The following DACH2 variants were observed in gnomAD, a reference collection of about 807,000 sequenced individuals.
DACH2 encodes the protein dachshund homolog 2.
DACH2 carries 17 observed loss-of-function variants against 35.8 expected under a neutral mutation model. The ratio of observed to expected loss-of-function variants is 0.48; its 90% CI spans 0.33 to 0.71. DACH2 has a LOEUF of 0.71. Among genes scored for constraint, DACH2 ranks in the 30% least tolerant of loss-of-function variants. The pLI, the probability that DACH2 is intolerant of heterozygous loss-of-function variation, is 0.02. For synonymous variants in DACH2, 195 were observed against 177.3 expected (o/e 1.10, Z -0.79); for missense variants, 469 against 472.7 (o/e 0.99, Z 0.07).
At chrX:86,727,186 T>A (rs2041479586) in intron 6 of DACH2, among the ~76,000 whole-genome samples, 1 of 111,913 alleles carries the variant, frequency 8.9e-6, no homozygotes, top group Non-Finnish European at 1.9e-5. Context: ...TTATGAAATT[T>A]GATTTCCATC....
At chrX:86,723,269 G>T (rs1350018647) in intron 6 of DACH2, among the ~76,000 whole-genome samples, 1 of 107,054 alleles carries the variant, frequency 9.3e-6, no homozygotes, top group African/African-American at 3.4e-5. Context: ...TTCTCATGTT[G>T]GTTTTTCATA....
intron 3 of DACH2, among the ~76,000 whole-genome samples, chrX:86,554,300 C>T: frequency 9.0e-6 from 1 of 110,845 alleles, no homozygotes; most frequent in Non-Finnish European, 1.9e-5. Flanking sequence ...AAAACAACGA[C>T]AACATATATG....
At chrX:86,402,561 T>G (rs1026599883) in intron 2 of DACH2, among the ~76,000 whole-genome samples, 6 of 111,645 alleles carry the variant, frequency 5.4e-5, no homozygotes, top group Non-Finnish European at 1.1e-4. Flanking sequence ...TATTCCATAC[T>G]CATGGAATGG....
At chrX:86,571,283 G>T (rs2039363686) in intron 3 of DACH2, among the ~76,000 whole-genome samples, 1 of 110,558 alleles carries the variant, frequency 9.0e-6, no homozygotes, top group African/African-American at 3.3e-5. Context: ...TAGGTCCCAT[G>T]GGTTTTTATT....
chrX:86,313,474 C>T lies in DACH2; in HGVS notation c.489-63350C>T, dbSNP rs557918314. ...CATTTCTCAATTTAAAACAACTGAG[C>T]GGCCATAGGTAAGAGCTCTGAAGAA... On this transcript the variant is annotated intron_variant, in intron 1 of 11. Coordinates refer to ENST00000373125, the MANE Select transcript of DACH2 (RefSeq NM_053281.3). Among the ~76,000 whole-genome samples the T allele has an allele frequency of 2.8e-4, 31 of 111,667 alleles. No homozygotes were observed. In the South Asian group the frequency reaches 0.011, roughly 39 times the overall value.
chrX:86,794,939 G>A (rs775934121), intron 7 of DACH2, among the ~76,000 whole-genome samples: 75 of 111,613 alleles, frequency 6.7e-4, no homozygotes, highest in Non-Finnish European at 1.3e-3. Context: ...ATCATAGGCT[G>A]ACTATGATGC....
intron 1 of DACH2, among the ~76,000 whole-genome samples, chrX:86,254,760 G>A (rs1489495022): frequency 2.6e-5 from 2 of 75,809 alleles, no homozygotes; most frequent in Non-Finnish European, 4.8e-5. Flanking sequence ...CCAAGTGTGT[G>A]GGGTGTTATT....
At chrX:86,606,818 T>C (rs916029388) in intron 3 of DACH2, among the ~76,000 whole-genome samples, 8 of 111,950 alleles carry the variant, frequency 7.1e-5, no homozygotes, top group African/African-American at 9.7e-5. Flanking sequence ...TACTATTCTA[T>C]TGGGGTTTAT....
intron 2 of DACH2, among the ~76,000 whole-genome samples, chrX:86,501,274 T>C (rs1475305583): frequency 8.9e-6 from 1 of 112,116 alleles, no homozygotes; most frequent in Non-Finnish European, 1.9e-5. Context: ...TGTGCAGTTT[T>C]GAAGAAGGGT....
rs185120136 is a variant in DACH2 at position 86,413,226 on chromosome X, C to G, written c.527+36364C>G. ...AGCATAATGCCATCAATATAATGGA[C>G]CAGTGTGATATTTTGCAGAAGGAAA... On this transcript the variant is annotated intron_variant, in intron 2 of 11. Transcript: ENST00000373125. Among the ~76,000 whole-genome samples the G allele has an allele frequency of 2.8e-4, 31 of 111,941 alleles. No homozygotes were observed. In the East Asian group the frequency reaches 3.4e-3, roughly 12 times the overall value.
At chrX:86,606,104 T>C (rs1212736620) in intron 3 of DACH2, among the ~76,000 whole-genome samples, 3 of 111,167 alleles carry the variant, frequency 2.7e-5, no homozygotes, top group African/African-American at 9.8e-5. Flanking sequence ...TGTCTTATAA[T>C]GTTTTATTGA....
In DACH2 at chrX:86,261,448, C is replaced by T. The variant is rs112916048; in HGVS notation, c.488+112340C>T. Among the ~76,000 whole-genome samples, 602 of 111,866 alleles carry T rather than the reference C, an allele frequency of 5.4e-3. 4 individuals carry two copies. Among genetic ancestry groups the T allele is most frequent in the African/African-American group, 0.018 (570 of 30,818 alleles). On this transcript the variant is annotated intron_variant, in intron 1 of 11. Coordinates refer to ENST00000373125, the MANE Select transcript of DACH2 (RefSeq NM_053281.3). Reference sequence around the variant, plus strand: ...TCTTCTTCACCTGATGGCTCTTATCCTTTTTCTCTTTATCTTTTCCTTCTT... The same window carrying T: ...TCTTCTTCACCTGATGGCTCTTATCTTTTTTCTCTTTATCTTTTCCTTCTT...
chrX:86,404,979 T>G (rs1211002856), intron 2 of DACH2, among the ~76,000 whole-genome samples: 2 of 112,465 alleles, frequency 1.8e-5, no homozygotes, highest in Non-Finnish European at 3.8e-5. Flanking sequence ...AGCAGCAGCC[T>G]GAGCTCTACG....
At chrX:86,259,285 C>A (rs955256632) in intron 1 of DACH2, among the ~76,000 whole-genome samples, 1 of 111,764 alleles carries the variant, frequency 8.9e-6, no homozygotes, top group African/African-American at 3.2e-5. Flanking sequence ...GTTCTTTTTG[C>A]AGAGTTGTGA....
intron 1 of DACH2, among the ~76,000 whole-genome samples, chrX:86,164,494 A>G (rs2030874706): frequency 9.0e-6 from 1 of 111,322 alleles, no homozygotes; most frequent in African/African-American, 3.3e-5. Context: ...TGTCTTTGTC[A>G]TGAAATCTTT....
intron 7 of DACH2, among the ~76,000 whole-genome samples, chrX:86,810,464 T>TAA (rs2042384109): frequency 8.9e-6 from 1 of 111,959 alleles, no homozygotes; most frequent in African/African-American, 3.2e-5. Context: ...CTTCATTTTA[T>TAA]AATAGTAGCT....
intron 2 of DACH2, among the ~76,000 whole-genome samples, chrX:86,423,715 T>C (rs1458616839): frequency 9.0e-6 from 1 of 110,811 alleles, no homozygotes; most frequent in Non-Finnish European, 1.9e-5. Context: ...TGTGAGGTTT[T>C]GCTCAAGAAA....
At chrX:86,531,169 C>A (rs2038714795) in intron 3 of DACH2, among the ~76,000 whole-genome samples, 1 of 111,841 alleles carries the variant, frequency 8.9e-6, no homozygotes, top group South Asian at 3.7e-4. Context: ...CGAAGTAGAG[C>A]ATAAAAATTT....
chrX:86,285,993 T>C (rs1039047388), intron 1 of DACH2, among the ~76,000 whole-genome samples: 39 of 94 alleles, frequency 0.41, no homozygotes, highest in Non-Finnish European at 0.52. Flanking sequence ...CTCTTTTTTG[T>C]TTGCCTTGGA....
Sources: allele counts gnomAD v4.1 joint callset (sites outside exome capture counted in the v4.1 genomes callset), GRCh38; gene constraint gnomAD v4.1.1; transcripts MANE v1.5; gene names NCBI Gene and HGNC (gene_info 2026-07-23, HGNC 2026-07-21).